The following SLCO5A1 variants were observed in gnomAD, a reference collection of about 807,000 sequenced individuals.
SLCO5A1 encodes the protein solute carrier organic anion transporter family member 5A1.
Under a neutral mutation model 65.1 loss-of-function variants are expected in SLCO5A1, and 39 were observed. The observed-to-expected ratio is 0.60, with a 90% CI of 0.46 to 0.78. SLCO5A1 has a LOEUF of 0.78. SLCO5A1 is among the 30% of genes least tolerant of loss of function. The probability of loss-of-function intolerance (pLI) is 0.00; values close to 1 mark genes in which losing one functional copy is unlikely to be tolerated. For synonymous variants in SLCO5A1, 438 were observed against 415.7 expected (o/e 1.05, Z -0.65); for missense variants, 1,029 against 1,069.4 (o/e 0.96, Z 0.53).
intron 2 of SLCO5A1, among the ~76,000 whole-genome samples, chr8:69,765,261 C>T (rs898929568): frequency 1.2e-4 from 18 of 151,794 alleles, no homozygotes; most frequent in Middle Eastern, 6.8e-3. Context: ...TATACAACTA[C>T]ATATATGTGT....
intron 5 of SLCO5A1, among the ~76,000 whole-genome samples, chr8:69,733,423 C>A (rs1279760136): frequency 6.6e-6 from 1 of 152,160 alleles, no homozygotes; most frequent in Non-Finnish European, 1.5e-5. Flanking sequence ...CCAGTTTCAG[C>A]TGAAATTTAG....
In SLCO5A1 at chr8:69,832,788, G is replaced by C; in HGVS notation, c.-115C>G. On this transcript the variant is annotated 5_prime_UTR_variant, in exon 2 of 10. Transcript: ENST00000260126. The surrounding 1 kb of genome is among the most constrained non-coding windows in gnomAD (Gnocchi z 4.5). The stretch of plus-strand genomic sequence containing the variant: ...GTCAGTCTTGCCCACCTGGGACTGG[G>C]GCTGGGGGCGCAGGGCCGCGCAGCA... The C allele has an allele frequency of 8.6e-6, 11 of 1,271,692 alleles. No homozygotes were observed. The highest frequency in any genetic ancestry group is 1.2e-5 in the Non-Finnish European group (11 of 943,986). 78.8% of individuals were successfully genotyped at this position (1,271,692 alleles called of 1,614,324 possible).
intron 2 of SLCO5A1, among the ~76,000 whole-genome samples, chr8:69,796,853 A>G (rs1819521118): frequency 1.3e-5 from 2 of 152,256 alleles, no homozygotes; most frequent in African/African-American, 4.8e-5. Context: ...AGTTCCACAG[A>G]TTCCTAGAGC....
chr8:69,784,406 G>T (rs142111361), intron 2 of SLCO5A1, among the ~76,000 whole-genome samples: 128 of 152,340 alleles, frequency 8.4e-4, no homozygotes, highest in African/African-American at 2.9e-3. Flanking sequence ...TAGCAAGGAT[G>T]TGGAGCAACT....
rs568681744 is a variant in SLCO5A1, at chr8:69,819,787, C to T, written c.907+11980G>A. Among the ~76,000 whole-genome samples, 287 of 152,186 alleles carry T rather than the reference C, an allele frequency of 1.9e-3. 9 individuals carry two copies. In the South Asian group the frequency reaches 0.057, roughly 30 times the overall value. The stretch of plus-strand genomic sequence containing the variant: ...GACCAGCCTGGCCAACATGGAGAAA[C>T]CCCATCTCTACTAAAAATACAAAAA... On this transcript the variant is annotated intron_variant, in intron 2 of 9. Transcript: ENST00000260126.
chr8:69,775,791 A>T (rs1218709259), intron 2 of SLCO5A1, among the ~76,000 whole-genome samples: 1 of 152,136 alleles, frequency 6.6e-6, no homozygotes, highest in Non-Finnish European at 1.5e-5. Flanking sequence ...CGGCGGGAAG[A>T]TCACTTGAGC....
At chr8:69,771,080 G>A (rs1055856321) in intron 2 of SLCO5A1, among the ~76,000 whole-genome samples, 1 of 152,064 alleles carries the variant, frequency 6.6e-6, no homozygotes, top group African/African-American at 2.4e-5. Context: ...CGCCTCCCGG[G>A]TTCAAGCGAT....
Position 69,832,436 on chromosome 8 carries a change from C to G in SLCO5A1, c.238G>C (p.Ala80Pro). Reference sequence around the variant, plus strand: ...GTGGACGGGGCAGAGGGACTGGGGGCCAACGGGTTCGGGCCTTGCTTCAAC... The same window carrying G: ...GTGGACGGGGCAGAGGGACTGGGGGGCAACGGGTTCGGGCCTTGCTTCAAC... The part of the protein sequence containing the change: ...QELKQGPNPL[A>P]PSPSAPSTSA... The change falls in exon 2 of 10, where the codon GCC becomes CCC. Residue 80 changes from alanine to proline, a missense_variant. This residue lies in a region of SLCO5A1 where 647 missense variants were observed against 647.5 expected (regional missense o/e 1.00). Coordinates refer to ENST00000260126, the MANE Select transcript of SLCO5A1 (RefSeq NM_030958.3). The surrounding 1 kb of genome is among the most constrained non-coding windows in gnomAD (Gnocchi z 4.5). 6.2e-7 allele frequency: 1 copy of G among 1,612,848 alleles called. No individual in the cohort carries two copies. The highest frequency in any genetic ancestry group is 8.5e-7 in the Non-Finnish European group (1 of 1,179,504).
intron 4 of SLCO5A1, among the ~76,000 whole-genome samples, chr8:69,740,561 G>C (rs912305686): frequency 6.6e-6 from 1 of 152,130 alleles, no homozygotes. Context: ...TTCTCCGTCT[G>C]CTCACAAGGC....
chr8:69,752,069 A>C (rs946031165), intron 4 of SLCO5A1, among the ~76,000 whole-genome samples: 5 of 152,068 alleles, frequency 3.3e-5, no homozygotes, highest in African/African-American at 1.2e-4. Flanking sequence ...CATCTGTACA[A>C]AAGATGCAAA....
At chr8:69,745,177 A>G (rs1167702862) in intron 4 of SLCO5A1, among the ~76,000 whole-genome samples, 2 of 152,202 alleles carry the variant, frequency 1.3e-5, no homozygotes, top group African/African-American at 4.8e-5. Context: ...CAAAATCATA[A>G]TTAGGAATAC....
chr8:69,793,782 T>TAAAC (rs1350869906), intron 2 of SLCO5A1, among the ~76,000 whole-genome samples: 3 of 45,052 alleles, frequency 6.7e-5, no homozygotes, highest in Admixed American at 3.6e-4. Context: ...TGTCTCTAAA[T>TAAAC]AAATAAATAA....
Position 69,832,373 on chromosome 8 carries a change from G to C in SLCO5A1, c.301C>G (p.Leu101Val), listed in dbSNP as rs754906536. ...GLGDCNHRVDLSKTFSVSSAL... is the reference protein window; with the variant it reads ...GLGDCNHRVDVSKTFSVSSAL... ...GAGGACACCGAGAAGGTTTTGCTGA[G>C]GTCCACCCTGTGGTTACAGTCCCCG... Residue 101 changes from leucine to valine, a missense_variant, in exon 2 of 10, where the codon CTC (leucine) becomes GTC (valine). By Grantham distance (32) the Leu-to-Val change is conservative. Coordinates refer to ENST00000260126, the MANE Select transcript of SLCO5A1 (RefSeq NM_030958.3). The surrounding 1 kb of genome is among the most constrained non-coding windows in gnomAD (Gnocchi z 4.5). 5 of 1,613,726 alleles carry C rather than the reference G, an allele frequency of 3.1e-6. No homozygotes were observed. The highest frequency in any genetic ancestry group is 2.2e-5 in the South Asian group (2 of 91,062).
intron 4 of SLCO5A1, among the ~76,000 whole-genome samples, chr8:69,750,030 G>A (rs550061302): frequency 3.3e-5 from 5 of 152,194 alleles, no homozygotes; most frequent in Non-Finnish European, 5.9e-5. Flanking sequence ...TCTCTGGCAC[G>A]TTTGAGGACC....
intron 2 of SLCO5A1, among the ~76,000 whole-genome samples, chr8:69,814,775 G>A (rs550678758): frequency 4.3e-4 from 65 of 152,140 alleles, no homozygotes; most frequent in East Asian, 5.8e-4. Flanking sequence ...GAATTAGCCC[G>A]TGTCCATCAA....
intron 6 of SLCO5A1, among the ~76,000 whole-genome samples, chr8:69,695,705 G>C (rs1041337579): frequency 1.3e-5 from 2 of 152,086 alleles, no homozygotes; most frequent in African/African-American, 4.8e-5. Context: ...AGAAACCCAA[G>C]ACTCAACAAT....
At chr8:69,803,331 C>T (rs1819840435) in intron 2 of SLCO5A1, among the ~76,000 whole-genome samples, 1 of 152,148 alleles carries the variant, frequency 6.6e-6, no homozygotes, top group Admixed American at 6.5e-5. Context: ...GCAGGAGAAT[C>T]ACTTGAACCT....
At chr8:69,769,679 C>T (rs1376735518) in intron 2 of SLCO5A1, among the ~76,000 whole-genome samples, 1 of 152,118 alleles carries the variant, frequency 6.6e-6, no homozygotes, top group Non-Finnish European at 1.5e-5. Context: ...TAAGTTATCT[C>T]TTCTGGATTC....
chr8:69,755,817 T>C lies in SLCO5A1; in HGVS notation c.1041-176A>G, dbSNP rs184183296. 4.0e-4 allele frequency among the ~76,000 whole-genome samples: 61 copies of C among 152,344 alleles called. No individual in the cohort carries two copies. The Middle Eastern group carries it at 0.02, about 51-fold the overall frequency. ...ATGAAGGAATTCTCTCTTTCTGTGA[T>C]ATAAATGAGAAATCTACTCAATAAT... On this transcript the variant is annotated intron_variant, in intron 3 of 9. Transcript: ENST00000260126.
Sources: gnomAD v4.1 joint callset for allele counts (sites outside exome capture counted in the v4.1 genomes callset) on GRCh38, gnomAD v4.1.1 for gene constraint, gnomAD v4.1.1 regional missense constraint, Gnocchi (gnomAD v3.1) non-coding constraint, MANE v1.5 for transcripts, NCBI Gene and HGNC (gene_info 2026-07-23, HGNC 2026-07-21) for gene names.